Variants in ARID4A observed in about 807,000 individuals in gnomAD.
ARID4A encodes the protein AT-rich interaction domain 4A, also known as AT-rich interactive domain-containing protein 4A.
A neutral mutation model predicts 148.6 loss-of-function variants in ARID4A; 39 were observed. The ratio of observed to expected loss-of-function variants is 0.26; its 90% confidence interval spans 0.20 to 0.34. ARID4A has a LOEUF of 0.34. Ranked by LOEUF, ARID4A falls within the 10% of genes least tolerant of loss-of-function variation. The pLI, the probability that ARID4A is intolerant of heterozygous loss-of-function variation, is 1.00. For synonymous variants in ARID4A, 475 were observed against 481.2 expected (o/e 0.99, Z 0.17); for missense variants, 1,265 against 1,449.1 (o/e 0.87, Z 2.06).
intron 11 of ARID4A, among the ~76,000 whole-genome samples, chr14:58,331,836 G>A (rs2033535749): frequency 6.6e-6 from 1 of 152,044 alleles, no homozygotes; most frequent in Admixed American, 6.6e-5. Context: ...GGCTAATTAG[G>A]CCACATTTTC....
At chr14:58,335,921 GC>G (rs2033791734) in intron 11 of ARID4A, among the ~76,000 whole-genome samples, 1 of 151,880 alleles carries the variant, frequency 6.6e-6, no homozygotes, top group South Asian at 2.1e-4. Context: ...TCTTTACCTA[GC>G]CTAATGCAAT....
Position 58,364,788 on chromosome 14 carries a change from T to A in ARID4A, c.2699T>A (p.Phe900Tyr), listed in dbSNP as rs868130649. ...IGSEGMKNLN[F>Y]EQHFERENEG... is the part of the protein sequence containing the mutation. ...TCTGAGGGAATGAAAAACTTAAATT[T>A]TGAACAGCACTTTGAAAGAGAAAAT... The change falls in exon 20 of 24, where the codon TTT becomes TAT. Residue 900 changes from phenylalanine to tyrosine, a missense_variant. Phe to Tyr is a conservative substitution (Grantham distance 22). Around this residue, in one of 9 missense-constraint regions of ARID4A, gnomAD observed 666 missense variants for 730.9 expected, o/e 0.91. Coordinates refer to ENST00000355431, the MANE Select transcript of ARID4A (RefSeq NM_002892.4). 6.2e-7 allele frequency: 1 copy of A among 1,614,092 alleles called. No individual in the cohort carries two copies. The highest frequency in any genetic ancestry group is 1.3e-5 in the African/African-American group (1 of 75,036).
At chr14:58,319,988 G>A (rs1331570693) in intron 7 of ARID4A, among the ~76,000 whole-genome samples, 6 of 124,004 alleles carry the variant, frequency 4.8e-5, no homozygotes, top group South Asian at 4.9e-4. Flanking sequence ...TCACTCTGTC[G>A]CCAGGCTGGA....
At chr14:58,367,392 G>C (rs542807170) in intron 23 of ARID4A, among the ~76,000 whole-genome samples, 3 of 152,346 alleles carry the variant, frequency 2.0e-5, no homozygotes, top group African/African-American at 7.2e-5. Context: ...TTATTCTCAA[G>C]GAGATTATCT....
At chr14:58,330,244 C>CCCT (rs1250627755) in intron 11 of ARID4A, 75 bp downstream of exon 11, 9 of 1,521,508 alleles carry the variant, frequency 5.9e-6, no homozygotes, top group Non-Finnish European at 7.9e-6. Flanking sequence ...ATATATTTTT[C>CCCT]CCTCTGTTTA....
Position 58,372,049 on chromosome 14 carries a change from G to A in ARID4A, c.*60G>A. ...CCATGGACATAAATCCCCAAACCCTGAATTACAACCACAGAAAGCACTCAA... is the reference window on the plus strand; with the variant it reads ...CCATGGACATAAATCCCCAAACCCTAAATTACAACCACAGAAAGCACTCAA... On this transcript the variant is annotated 3_prime_UTR_variant, in exon 24 of 24. Transcript: ENST00000355431. 1 of 1,193,026 alleles carries A rather than the reference G, an allele frequency of 8.4e-7. No homozygotes were observed. Among genetic ancestry groups the A allele is most frequent in the Non-Finnish European group, 1.2e-6 (1 of 808,436 alleles). 73.9% of individuals were successfully genotyped at this position (1,193,026 alleles called of 1,614,324 possible).
chr14:58,329,409 C>T (rs867671683), intron 9 of ARID4A, 119 bp from the exon 10 acceptor site: 1 of 688,582 alleles, frequency 1.5e-6, no homozygotes, highest in Non-Finnish European at 2.5e-6. Context: ...AAGATAAAAA[C>T]ATTTTATAGA....
intron 8 of ARID4A, among the ~76,000 whole-genome samples, chr14:58,325,500 G>T (rs990674325): frequency 6.6e-6 from 1 of 152,056 alleles, no homozygotes; most frequent in African/African-American, 2.4e-5. Context: ...CTCCAGGCTG[G>T]TCTCAAACTC....
At position 58,352,600 on chromosome 14, in the gene ARID4A, A is replaced by T. The variant is rs192346426; in HGVS notation, c.1656-1058A>T. 2.4e-4 allele frequency among the ~76,000 whole-genome samples: 37 copies of T among 152,244 alleles called. 1 individual carries two copies. In the South Asian group the frequency reaches 5.0e-3, roughly 20 times the overall value. On this transcript the variant is annotated intron_variant, in intron 16 of 23. Transcript: ENST00000355431. ...TATCTTTAAGTAGTTTTTCTCATAGAGTTTTGAATTTACCTTATCACTCTA... is the reference window on the plus strand; with the variant it reads ...TATCTTTAAGTAGTTTTTCTCATAGTGTTTTGAATTTACCTTATCACTCTA...
At chr14:58,317,317 C>T (rs1399120368) in intron 5 of ARID4A, among the ~76,000 whole-genome samples, 1 of 141,474 alleles carries the variant, frequency 7.1e-6, no homozygotes, top group Non-Finnish European at 1.5e-5. Context: ...CGGAGTCTTG[C>T]TCTGTCGTAG....
rs749602544 is a variant in ARID4A at position 58,371,974 on chromosome 14, T to G, written c.3759T>G (p.Ala1253=). 1 of 1,606,000 alleles carries G rather than the reference T, an allele frequency of 6.2e-7. No individual in the cohort carries two copies. Among genetic ancestry groups the G allele is most frequent in the East Asian group, 2.2e-5 (1 of 44,848 alleles). Residue 1253 remains alanine (A), a synonymous_variant, in exon 24 of 24, where the codon GCT becomes GCG. Coordinates refer to ENST00000355431, the MANE Select transcript of ARID4A (RefSeq NM_002892.4). ...CATCTCCCCCACAAAATGTACTTGC[T>G]GTAGAATGCAGGTGATAAACATTTT... is the stretch of plus-strand genomic sequence containing the variant. The part of the protein sequence containing the change: ...SSSSPPQNVL[A]VECR
intron 17 of ARID4A, among the ~76,000 whole-genome samples, chr14:58,358,816 G>A (rs1475755554): frequency 6.6e-6 from 1 of 152,154 alleles, no homozygotes; most frequent in African/African-American, 2.4e-5. Context: ...TATAAGCTCA[G>A]GTCTGTAAAA....
chr14:58,316,823 G>A (rs539100492), intron 5 of ARID4A, among the ~76,000 whole-genome samples: 1 of 151,784 alleles, frequency 6.6e-6, no homozygotes, highest in East Asian at 2.0e-4. Flanking sequence ...CAGGTGGTCC[G>A]CCCGCCTCGG....
chr14:58,361,230 T>C, intron 19 of ARID4A, 188 bp downstream of exon 19: 4 of 569,700 alleles, frequency 7.0e-6, no homozygotes, highest in Non-Finnish European at 6.7e-6. Flanking sequence ...ACTAGAAGTG[T>C]TTTTGGTTTT....
intron 21 of ARID4A, among the ~76,000 whole-genome samples, 199 bp downstream of exon 21, chr14:58,365,821 A>T (rs1424933227): frequency 6.6e-6 from 1 of 152,022 alleles, no homozygotes; most frequent in Admixed American, 6.6e-5. Context: ...AAAGTATTCA[A>T]TAGTTTATCA....
At chr14:58,314,692 G>T (rs1237962833) in intron 5 of ARID4A, among the ~76,000 whole-genome samples, 4 of 152,034 alleles carry the variant, frequency 2.6e-5, no homozygotes, top group African/African-American at 7.2e-5. Context: ...GCTTCCCAAA[G>T]CACCAGGATT....
intron 2 of ARID4A, among the ~76,000 whole-genome samples, 191 bp downstream of exon 2, chr14:58,300,051 C>T (rs2031010970): frequency 6.6e-6 from 1 of 152,214 alleles, no homozygotes; most frequent in South Asian, 2.1e-4. Flanking sequence ...TAGGCCCTCT[C>T]TGTAGCAGTA....
At position 58,367,037 on chromosome 14, in the gene ARID4A, T is replaced by G. The variant is rs751611804; in HGVS notation, c.3670+8T>G. 5 of 1,476,992 alleles carry G rather than the reference T, an allele frequency of 3.4e-6. No homozygotes were observed. Among genetic ancestry groups the G allele is most frequent in the Admixed American group, 5.4e-5 (2 of 37,324 alleles). The allele number at this position is 1,476,992 out of a possible 1,614,324, so 91.5% of individuals were successfully genotyped here. A position where few individuals can be genotyped will look rare whatever the true frequency, so the allele number is the denominator to read the frequency against. ...AAAAGAAAGACAGGGAAGGTAATTT[T>G]ATTATGATTTTTCTCCCCTTATATT... On this transcript the variant is annotated splice_region_variant and intron_variant, in intron 23 of 23. Coordinates refer to ENST00000355431, the MANE Select transcript of ARID4A (RefSeq NM_002892.4).
chr14:58,346,560 A>G, intron 13 of ARID4A, 55 bp downstream of exon 13: 3 of 1,160,414 alleles, frequency 2.6e-6, no homozygotes, highest in Middle Eastern at 2.0e-4. Context: ...AAGTTAAGTT[A>G]TCTTATATTG....
Sources: allele counts gnomAD v4.1 joint callset (sites outside exome capture counted in the v4.1 genomes callset), GRCh38; gene constraint gnomAD v4.1.1; regional missense constraint gnomAD v4.1.1; transcripts MANE v1.5; gene names NCBI Gene and HGNC (gene_info 2026-07-23, HGNC 2026-07-21).